The following SLIT2 variants were observed in gnomAD, a reference collection of about 807,000 sequenced individuals.
SLIT2 encodes the protein slit guidance ligand 2, also known as slit homolog 2 protein.
SLIT2 carries 41 observed loss-of-function variants against 185.7 expected under a neutral mutation model. That is an observed-to-expected ratio of 0.22 (90% CI 0.17 to 0.29). SLIT2 has a LOEUF of 0.29. SLIT2 is among the 10% of genes least tolerant of loss of function. The probability of loss-of-function intolerance (pLI) is 1.00; values close to 1 mark genes in which losing one functional copy is unlikely to be tolerated. For synonymous variants in SLIT2, 693 were observed against 680.2 expected, an observed-to-expected ratio of 1.02 and a Z score of -0.29; for missense variants, 1,571 against 1,909.0, an observed-to-expected ratio of 0.82 and a Z score of 3.30.
chr4:20,375,992 T>C (rs1253539149), intron 4 of SLIT2, among the ~76,000 whole-genome samples: 9 of 151,870 alleles, frequency 5.9e-5, no homozygotes, highest in Admixed American at 5.9e-4. Context: ...GCAGTACATT[T>C]AGAGATTTAG....
rs190768933 is a variant in SLIT2, at chr4:20,280,397, C to A, written c.395+11516C>A. ...CAAAAAGCTTTCACTAGTTACATTC[C>A]TAGCTCTGCTGATCACTAGCTGCAG... On this transcript the variant is annotated intron_variant, in intron 4 of 36. Transcript: ENST00000504154. Among the ~76,000 whole-genome samples the A allele has an allele frequency of 4.6e-3, 692 of 151,766 alleles. 7 individuals carry two copies. The highest frequency in any genetic ancestry group is 0.016 in the African/African-American group (675 of 41,398).
rs1162253099 is a variant in SLIT2 at position 20,524,037 on chromosome 4, T to C, written c.1298T>C (p.Ile433Thr). 6.2e-7 allele frequency: 1 copy of C among 1,614,222 alleles called. No homozygotes were observed. The highest frequency in any genetic ancestry group is 8.5e-7 in the Non-Finnish European group (1 of 1,180,034). The change falls in exon 14 of 37, where the codon ATT (isoleucine) becomes ACT (threonine). Residue 433 changes from isoleucine (I) to threonine (T), a missense_variant. Physicochemically the swap from Ile to Thr is moderately conservative, Grantham distance 89 (BLOSUM62 -1). Coordinates refer to ENST00000504154, the MANE Select transcript of SLIT2 (RefSeq NM_004787.4). Reference sequence around the variant, plus strand: ...AGGCATTTGGCCCAGAACCCCTTTATTTGTGACTGCCATCTCAAGTGGCTA... The same window carrying C: ...AGGCATTTGGCCCAGAACCCCTTTACTTGTGACTGCCATCTCAAGTGGCTA... ...QTMHLAQNPF[I>T]CDCHLKWLAD...
At chr4:20,588,722 A>G (rs1193115740) in intron 29 of SLIT2, among the ~76,000 whole-genome samples, 2 of 152,230 alleles carry the variant, frequency 1.3e-5, no homozygotes, top group African/African-American at 4.8e-5. Context: ...TGTATGTGAA[A>G]TAATAACCAT....
At chr4:20,602,691 C>T (rs958860671) in intron 33 of SLIT2, among the ~76,000 whole-genome samples, 42 of 152,114 alleles carry the variant, frequency 2.8e-4, no homozygotes, top group African/African-American at 9.7e-4. Flanking sequence ...TTTGAGAACC[C>T]CTTGCGTAAA....
At chr4:20,571,465 T>G (rs1247844973) in intron 29 of SLIT2, among the ~76,000 whole-genome samples, 3 of 152,152 alleles carry the variant, frequency 2.0e-5, no homozygotes, top group Non-Finnish European at 4.4e-5. Context: ...TGTGCACACA[T>G]GAAATGAGCT....
At chr4:20,423,272 A>G (rs2109471591) in intron 4 of SLIT2, among the ~76,000 whole-genome samples, 1 of 152,268 alleles carries the variant, frequency 6.6e-6, no homozygotes, top group Non-Finnish European at 1.5e-5. Flanking sequence ...TTTAAAAACC[A>G]GAAAAGGAGA....
At chr4:20,301,170 A>AT (rs1717003298) in intron 4 of SLIT2, among the ~76,000 whole-genome samples, 1 of 152,176 alleles carries the variant, frequency 6.6e-6, no homozygotes, top group African/African-American at 2.4e-5. Context: ...CAAATAAGAT[A>AT]TTGAAGAGCT....
At chr4:20,421,175 G>A (rs1728149167) in intron 4 of SLIT2, among the ~76,000 whole-genome samples, 1 of 152,032 alleles carries the variant, frequency 6.6e-6, no homozygotes, top group African/African-American at 2.4e-5. Flanking sequence ...ATTTGATGAA[G>A]GATTTGGTGA....
chr4:20,464,164 C>T (rs983068036), intron 4 of SLIT2, among the ~76,000 whole-genome samples: 10 of 152,092 alleles, frequency 6.6e-5, no homozygotes, highest in African/African-American at 2.4e-4. Context: ...TTGATGGTTG[C>T]TTTAGGTTCT....
At chr4:20,325,799 T>C (rs1345980839) in intron 4 of SLIT2, among the ~76,000 whole-genome samples, 1 of 152,162 alleles carries the variant, frequency 6.6e-6, no homozygotes, top group East Asian at 1.9e-4. Context: ...CCTCTCTGAG[T>C]TCAAAGCTAG....
At chr4:20,339,981 A>C (rs182203384) in intron 4 of SLIT2, among the ~76,000 whole-genome samples, 1 of 152,200 alleles carries the variant, frequency 6.6e-6, no homozygotes, top group Non-Finnish European at 1.5e-5. Context: ...TTCATAGTTC[A>C]TTACTAATCC....
Position 20,254,937 on chromosome 4 carries a change from A to C in SLIT2, c.179+943A>C. 4.4e-6 allele frequency: 2 copies of C among 456,240 alleles called. No homozygotes were observed. The highest frequency in any genetic ancestry group is 8.8e-6 in the Non-Finnish European group (2 of 226,948). The allele number at this position is 456,240 out of a possible 1,614,324, so 28.3% of individuals were successfully genotyped here. Reference sequence around the variant, plus strand: ...TCCCTGTCTTTGCGAGTCTCTAATGAAGAAGTAAATGCAGACCCGGTGTTG... The same window carrying C: ...TCCCTGTCTTTGCGAGTCTCTAATGCAGAAGTAAATGCAGACCCGGTGTTG... On this transcript the variant is annotated intron_variant, in intron 1 of 36. Transcript: ENST00000504154. The surrounding 1 kb of genome is among the most constrained non-coding windows in gnomAD (Gnocchi z 5.1).
At chr4:20,388,719 A>G (rs1294618685) in intron 4 of SLIT2, among the ~76,000 whole-genome samples, 1 of 150,470 alleles carries the variant, frequency 6.6e-6, no homozygotes, top group South Asian at 2.1e-4. Flanking sequence ...GGTTGCACTG[A>G]GTGGAGATCA....
intron 4 of SLIT2, among the ~76,000 whole-genome samples, chr4:20,421,198 G>A (rs909942928): frequency 4.6e-5 from 7 of 152,114 alleles, no homozygotes; most frequent in African/African-American, 1.7e-4. Flanking sequence ...GATGAGGGAT[G>A]TCATTATTGA....
chr4:20,556,981 C>T lies in SLIT2; in HGVS notation c.2725+3013C>T, dbSNP rs889492062. Among the ~76,000 whole-genome samples the T allele has an allele frequency of 2.0e-5, 3 of 152,140 alleles. No homozygotes were observed. The East Asian group carries it at 5.8e-4, about 29-fold the overall frequency. On this transcript the variant is annotated intron_variant, in intron 26 of 36. Transcript: ENST00000504154. ...AAACCAGCCACAAAATTCCTTTAAA[C>T]AAAACCCTAACCTAAAGCAAGGCCC... is the stretch of plus-strand genomic sequence containing the variant.
In SLIT2 at chr4:20,253,743, C is replaced by A; in HGVS notation, c.-73C>A. On this transcript the variant is annotated 5_prime_UTR_variant, in exon 1 of 37. It adds an upstream start codon to the 5' untranslated region. Coordinates refer to ENST00000504154, the MANE Select transcript of SLIT2 (RefSeq NM_004787.4). ...CCCGCCGGGCACTGGGCCTCAGACA[C>A]TGCGCGGTTCCCTCGGAGCAGCAAG... The A allele has an allele frequency of 6.4e-7, 1 of 1,553,794 alleles. No individual in the cohort carries two copies. Among genetic ancestry groups the A allele is most frequent in the Non-Finnish European group, 8.7e-7 (1 of 1,151,192 alleles).
At position 20,254,224 on chromosome 4, in the gene SLIT2, C is replaced by A. The variant is rs1031147743; in HGVS notation, c.179+230C>A. The stretch of plus-strand genomic sequence containing the variant: ...GCGCTAGTTCTCCCTCCCCTGCTCT[C>A]GTCCCGCCACTCGCAGCTCCTTGCT... On this transcript the variant is annotated intron_variant, in intron 1 of 36. Coordinates refer to ENST00000504154, the MANE Select transcript of SLIT2 (RefSeq NM_004787.4). The surrounding 1 kb of genome is among the most constrained non-coding windows in gnomAD (Gnocchi z 5.1). Among the ~76,000 whole-genome samples the A allele has an allele frequency of 6.6e-6, 1 of 152,116 alleles. No individual in the cohort carries two copies. Among genetic ancestry groups the A allele is most frequent in the East Asian group, 1.9e-4 (1 of 5,154 alleles).
chr4:20,433,898 AC>A (rs368062732), intron 4 of SLIT2, among the ~76,000 whole-genome samples: 17 of 151,924 alleles, frequency 1.1e-4, no homozygotes, highest in South Asian at 6.2e-4. Flanking sequence ...ACTAATTCTG[AC>A]CCCCCCAAAT....
intron 4 of SLIT2, among the ~76,000 whole-genome samples, chr4:20,355,966 C>T (rs987865553): frequency 3.3e-5 from 5 of 151,830 alleles, no homozygotes; most frequent in Non-Finnish European, 7.4e-5. Context: ...CTTTTAAGGA[C>T]CTAGCATTAT....
Sources: allele counts gnomAD v4.1 joint callset (sites outside exome capture counted in the v4.1 genomes callset), GRCh38; gene constraint gnomAD v4.1.1; non-coding constraint Gnocchi (gnomAD v3.1); transcripts MANE v1.5; gene names NCBI Gene and HGNC (gene_info 2026-07-23, HGNC 2026-07-21).